Variants in GSN observed in about 807,000 individuals in gnomAD.
GSN encodes the protein gelsolin.
GSN carries 56 observed loss-of-function variants against 85.7 expected under a neutral mutation model. The ratio of observed to expected loss-of-function variants is 0.65; its 90% CI spans 0.53 to 0.82. The LOEUF (loss-of-function observed/expected upper bound fraction) is 0.82. Among genes scored for constraint, GSN ranks in the 40% least tolerant of loss-of-function variants. The pLI is 0.00. For synonymous variants in GSN, 373 were observed against 399.1 expected (o/e 0.93, Z 0.78); for missense variants, 857 against 979.8 (o/e 0.87, Z 1.67).
chr9:121,294,178 C>T (rs2058985294), intron 2 of GSN, among the ~76,000 whole-genome samples: 1 of 152,230 alleles, frequency 6.6e-6, no homozygotes, highest in Admixed American at 6.5e-5. Context: ...TCCCCTGCAG[C>T]TCTGCAGAGC....
chr9:121,269,436 G>A (rs1208727470), intron 1 of GSN, among the ~76,000 whole-genome samples: 1 of 152,128 alleles, frequency 6.6e-6, no homozygotes, highest in Non-Finnish European at 1.5e-5. Context: ...TGCCGTTTGC[G>A]GACTCCTTGC....
At chr9:121,289,552 A>G (rs1588799430) in intron 2 of GSN, among the ~76,000 whole-genome samples, 1 of 152,200 alleles carries the variant, frequency 6.6e-6, no homozygotes, top group African/African-American at 2.4e-5. Context: ...GAGGGGTTGG[A>G]TGTGCGGAAG....
intron 2 of GSN, chr9:121,286,887 A>G (rs947686188): frequency 6.5e-6 from 5 of 763,540 alleles, no homozygotes; most frequent in African/African-American, 1.7e-5. Flanking sequence ...CTCCGTCTAT[A>G]AAAGGAGACA....
intron 13 of GSN, 62 bp downstream of exon 13, chr9:121,326,744 A>G (rs1321838715): frequency 7.2e-7 from 1 of 1,384,092 alleles, no homozygotes; most frequent in Non-Finnish European, 1.0e-6. Context: ...CAGCTCAATG[A>G]CCAGATCTCC....
rs567602261 is a variant in GSN, at chr9:121,235,582, G to A, written c.-389+4279G>A. Among the ~76,000 whole-genome samples, 27 of 152,266 alleles carry A rather than the reference G, an allele frequency of 1.8e-4. 1 individual carries two copies. Among genetic ancestry groups the A allele is most frequent in the Non-Finnish European group, 3.4e-4 (23 of 68,026 alleles). ...AGCCTATTTCCCCTTGAGGTGAGTG[G>A]CCCAGAGCAGAAGGGCAGCTTTGGT... On this transcript the variant is annotated intron_variant, in intron 5 of 24. Transcript: ENST00000373823.
At chr9:121,233,245 C>A (rs546881492) in intron 5 of GSN, among the ~76,000 whole-genome samples, 59 of 152,218 alleles carry the variant, frequency 3.9e-4, no homozygotes, top group African/African-American at 1.4e-3. Flanking sequence ...GCAGGTGGAT[C>A]ACAAGGTCAG....
chr9:121,319,310 G>A (rs918052346), intron 10 of GSN, among the ~76,000 whole-genome samples: 7 of 152,110 alleles, frequency 4.6e-5, no homozygotes, highest in Admixed American at 3.9e-4. Flanking sequence ...GGAGGGACTC[G>A]CTATGTTCGG....
chr9:121,242,546 G>T (rs1297500265), intron 5 of GSN, among the ~76,000 whole-genome samples: 2 of 152,168 alleles, frequency 1.3e-5, no homozygotes, highest in African/African-American at 4.8e-5. Flanking sequence ...AGAGAGTCTG[G>T]TCCAAGGTTT....
At chr9:121,238,944 C>G in intron 5 of GSN, 1 of 536,480 alleles carries the variant, frequency 1.9e-6, no homozygotes, top group Non-Finnish European at 3.8e-6. Context: ...TAGCAGACTT[C>G]ATGAACAGTG....
chr9:121,332,722 T>TG lies in GSN; in HGVS notation c.*119_*120insG. The TG allele has an allele frequency of 1.1e-5, 8 of 715,904 alleles. No homozygotes were observed. The East Asian group carries it at 1.9e-4, about 17-fold the overall frequency. The allele number at this position is 715,904 out of a possible 1,614,324, so 44.3% of individuals were successfully genotyped here. On this transcript the variant is annotated 3_prime_UTR_variant, in exon 18 of 18. Coordinates refer to ENST00000432226, the MANE Select transcript of GSN (RefSeq NM_198252.3). This position sits in a 1 kb window ranked among gnomAD's most constrained non-coding sequence, Gnocchi z 4.8. ...TGAGTGTGTGTGTGTGTGTGTGTTG[T>TG]TTCTTTTTTTTTTTTTTACAGTATC... is the stretch of plus-strand genomic sequence containing the variant.
intron 6 of GSN, among the ~76,000 whole-genome samples, chr9:121,250,491 C>T (rs577681024): frequency 5.3e-5 from 8 of 151,744 alleles, no homozygotes; most frequent in Non-Finnish European, 1.0e-4. Flanking sequence ...GCGTGAGCCA[C>T]GGCGCCCAGC....
At chr9:121,311,077 CT>C in intron 5 of GSN, 1 of 576,020 alleles carries the variant, frequency 1.7e-6, no homozygotes, top group Non-Finnish European at 3.1e-6. Context: ...CTGGCACCTT[CT>C]GTTCATATGT....
intron 5 of GSN, among the ~76,000 whole-genome samples, chr9:121,247,734 A>G (rs1030002117): frequency 1.4e-4 from 21 of 152,200 alleles, no homozygotes; most frequent in African/African-American, 5.1e-4. Flanking sequence ...GAATAATCAA[A>G]TCACCAAATC....
At position 121,220,047 on chromosome 9, in the gene GSN, AATTTTTAGT is replaced by A. The variant is rs1235217532; in HGVS notation, c.-528+9191_-528+9199del. On this transcript the variant is annotated intron_variant, in intron 4 of 24. Coordinates refer to the GSN transcript ENST00000373823. ...CAGGCATGCGCCACTGCGCCTGGCT[AATTTTTAGT>A]ATTTTTAGTAGAGATGGGGTTTCTC... 1.6e-4 allele frequency among the ~76,000 whole-genome samples: 25 copies of A among 152,146 alleles called. No individual in the cohort carries two copies. The East Asian group carries it at 3.9e-3, about 24-fold the overall frequency.
At chr9:121,260,538 G>C (rs2055060060) in intron 6 of GSN, among the ~76,000 whole-genome samples, 1 of 152,194 alleles carries the variant, frequency 6.6e-6, no homozygotes, top group South Asian at 2.1e-4. Flanking sequence ...GTTCTCCCTG[G>C]GACAGGAAAC....
intron 4 of GSN, among the ~76,000 whole-genome samples, chr9:121,211,628 C>T (rs892421247): frequency 2.6e-5 from 4 of 152,122 alleles, no homozygotes; most frequent in Non-Finnish European, 5.9e-5. Context: ...CTGAAACCAG[C>T]GGTGTGACCT....
chr9:121,206,481 G>T (rs1042430596), upstream of GSN, among the ~76,000 whole-genome samples: 2 of 152,124 alleles, frequency 1.3e-5, no homozygotes, highest in East Asian at 1.9e-4. Flanking sequence ...AATTGTAAAA[G>T]AAATTGTGTG....
chr9:121,237,443 T>TAGTCCCAGC (rs2054518155), intron 5 of GSN, among the ~76,000 whole-genome samples: 1 of 152,200 alleles, frequency 6.6e-6, no homozygotes, highest in Non-Finnish European at 1.5e-5. Context: ...CACATGCCTG[T>TAGTCCCAGC]AGTCCCAGCT....
intron 12 of GSN, among the ~76,000 whole-genome samples, chr9:121,325,929 T>C (rs306768): frequency 0.81 from 123,150 of 151,794 alleles, 50,158 homozygotes; most frequent in East Asian, 0.99. Flanking sequence ...GACTGCCATA[T>C]GCCTGACGTA....
Sources: gnomAD v4.1 joint callset for allele counts (sites outside exome capture counted in the v4.1 genomes callset) on GRCh38, gnomAD v4.1.1 for gene constraint, Gnocchi (gnomAD v3.1) non-coding constraint, MANE v1.5 for transcripts, NCBI Gene and HGNC (gene_info 2026-07-23, HGNC 2026-07-21) for gene names.